Variants in MIOS observed in about 807,000 individuals in gnomAD.
The protein encoded by MIOS is GATOR2 complex protein MIOS.
In MIOS, 52 loss-of-function variants were observed where a neutral mutation model predicts 96.9. The ratio of observed to expected loss-of-function variants is 0.54; its 90% CI spans 0.43 to 0.68. The LOEUF (loss-of-function observed/expected upper bound fraction) is 0.68, where lower values mean the gene tolerates loss of function less well. Among genes scored for constraint, MIOS ranks in the 30% least tolerant of loss-of-function variants. The pLI is 0.00. For synonymous variants in MIOS, 397 were observed against 359.5 expected (o/e 1.10, Z -1.18); for missense variants, 1,005 against 1,052.8 (o/e 0.95, Z 0.63).
chr7:7,600,631 C>T (rs987190308), intron 11 of MIOS, among the ~76,000 whole-genome samples: 1 of 152,106 alleles, frequency 6.6e-6, no homozygotes, highest in East Asian at 1.9e-4. Flanking sequence ...GACTTTAACA[C>T]CCCACTGTCA....
intron 11 of MIOS, among the ~76,000 whole-genome samples, chr7:7,599,562 G>C (rs923293641): frequency 1.3e-5 from 2 of 152,186 alleles, no homozygotes; most frequent in African/African-American, 4.8e-5. Flanking sequence ...AAGCCGTCCA[G>C]GTTGCAGACC....
intron 9 of MIOS, among the ~76,000 whole-genome samples, chr7:7,593,805 G>C (rs562898855): frequency 2.0e-5 from 3 of 150,014 alleles, no homozygotes; most frequent in Admixed American, 6.6e-5. Context: ...CTTGAGCCCG[G>C]GAGGCAGAGG....
intron 5 of MIOS, among the ~76,000 whole-genome samples, chr7:7,578,533 T>C (rs943217579): frequency 3.9e-5 from 6 of 152,008 alleles, no homozygotes; most frequent in Admixed American, 6.6e-5. Context: ...TAAAATCTAA[T>C]CTAGAGAACT....
rs187349421 is a variant in MIOS at position 7,607,596 on chromosome 7, A to C, written c.*504A>C. The C allele has an allele frequency of 4.7e-3, 717 of 153,070 alleles. 3 individuals carry two copies. The highest frequency in any genetic ancestry group is 8.4e-3 in the Non-Finnish European group (579 of 68,670). The allele number at this position is 153,070 out of a possible 1,614,324, so 9.5% of individuals were successfully genotyped here. A position where few individuals can be genotyped will look rare whatever the true frequency, so the allele number is the denominator to read the frequency against. On this transcript the variant is annotated 3_prime_UTR_variant, in exon 13 of 13. Coordinates refer to ENST00000340080, the MANE Select transcript of MIOS (RefSeq NM_019005.4). ...TAGAATTGCAGAGCCCCTATCCCAC[A>C]CTGGAGAATATTTTTTATTACTGTC...
Position 7,607,022 on chromosome 7 carries a change from C to T in MIOS, c.2558C>T (p.Ala853Val), listed in dbSNP as rs776616492. ...FRDHAECPVS[A>V]CTCKCMQLDT... is the part of the protein sequence containing the mutation. ...GACCATGCAGAGTGCCCTGTGTCGGCATGCACGTGTAAATGTATGCAGTTG... is the reference window on the plus strand; with the variant it reads ...GACCATGCAGAGTGCCCTGTGTCGGTATGCACGTGTAAATGTATGCAGTTG... Residue 853 changes from alanine to valine, a missense_variant, in exon 13 of 13, where the codon GCA becomes GTA. By Grantham distance (64) the Ala-to-Val change is moderately conservative. Around this residue, in one of 3 missense-constraint regions of MIOS, gnomAD observed 865 missense variants for 887.9 expected, o/e 0.97. Coordinates refer to ENST00000340080, the MANE Select transcript of MIOS (RefSeq NM_019005.4). 37 of 1,612,728 alleles carry T rather than the reference C, an allele frequency of 2.3e-5. No homozygotes were observed. The highest frequency in any genetic ancestry group is 1.7e-5 in the Admixed American group (1 of 59,740).
intron 9 of MIOS, 149 bp from the exon 10 acceptor site, chr7:7,594,831 T>G: frequency 2.1e-6 from 1 of 465,138 alleles, no homozygotes; most frequent in African/African-American, 2.0e-5. Context: ...TCCATAAATT[T>G]TCTTTATTCT....
At chr7:7,599,933 A>G (rs1259992360) in intron 11 of MIOS, among the ~76,000 whole-genome samples, 1 of 152,166 alleles carries the variant, frequency 6.6e-6, no homozygotes, top group Non-Finnish European at 1.5e-5. Flanking sequence ...AGGAACAGAA[A>G]ACCAAATACC....
chr7:7,596,998 C>T (rs1784221020), intron 11 of MIOS, among the ~76,000 whole-genome samples: 1 of 151,988 alleles, frequency 6.6e-6, no homozygotes, highest in Admixed American at 6.6e-5. Context: ...AGTTTGAGAC[C>T]AGCCTGAGCA....
Position 7,572,752 on chromosome 7 carries a change from G to A in MIOS, c.277G>A (p.Gly93Ser). 6.2e-7 allele frequency: 1 copy of A among 1,614,060 alleles called. No individual in the cohort carries two copies. Among genetic ancestry groups the A allele is most frequent in the Non-Finnish European group, 8.5e-7 (1 of 1,179,988 alleles). ...TGGTCGAGTTGTACTTACAAGCCTT[G>A]GTCAAGATCATAACTCAAAGTTCAA... is the stretch of plus-strand genomic sequence containing the variant. ...ANGRVVLTSL[G>S]QDHNSKFKDL... is the part of the protein sequence containing the mutation. The change falls in exon 4 of 13, where the codon GGT (glycine) becomes AGT (serine). Residue 93 changes from glycine to serine, a missense_variant. By Grantham distance (56) the Gly-to-Ser change is moderately conservative. This residue lies in a region of MIOS where 137 missense variants were observed against 148.6 expected (regional missense o/e 0.92). Coordinates refer to ENST00000340080, the MANE Select transcript of MIOS (RefSeq NM_019005.4). This position sits in a 1 kb window ranked among gnomAD's most constrained non-coding sequence, Gnocchi z 4.8.
chr7:7,603,081 A>G (rs1458549455), intron 11 of MIOS, among the ~76,000 whole-genome samples: 1 of 152,210 alleles, frequency 6.6e-6, no homozygotes, highest in Non-Finnish European at 1.5e-5. Flanking sequence ...AAGATGGATT[A>G]AAGACTTAAA....
At chr7:7,605,767 G>A in intron 11 of MIOS, 175 bp from the exon 12 acceptor site, 1 of 510,502 alleles carries the variant, frequency 2.0e-6, no homozygotes, top group Non-Finnish European at 3.3e-6. Context: ...AAAAATGTAG[G>A]GGAGCTTCTG....
chr7:7,607,212 C>G lies in MIOS; in HGVS notation c.*120C>G. On this transcript the variant is annotated 3_prime_UTR_variant, in exon 13 of 13. Coordinates refer to ENST00000340080, the MANE Select transcript of MIOS (RefSeq NM_019005.4). ...ACTTACCTGTAATGGGAAAATAAAT[C>G]ATTCTATCAGATCAGCAGTTTTGAT... 2 of 672,012 alleles carry G rather than the reference C, an allele frequency of 3.0e-6. No homozygotes were observed. Among genetic ancestry groups the G allele is most frequent in the Non-Finnish European group, 4.9e-6 (2 of 407,866 alleles). The allele number at this position is 672,012 out of a possible 1,614,324, so 41.6% of individuals were successfully genotyped here.
rs1784199966 is a variant in MIOS, at chr7:7,596,241, T to C, written c.2197-16T>C. On this transcript the variant is annotated splice_polypyrimidine_tract_variant and intron_variant, in intron 10 of 12. Transcript: ENST00000340080. ...GGTTTGCATTACATTTATTTTTTCT[T>C]TCATTTGTTTTGTAGGTTTTTGTGA... is the stretch of plus-strand genomic sequence containing the variant. 1 of 1,609,190 alleles carries C rather than the reference T, an allele frequency of 6.2e-7. No individual in the cohort carries two copies. The highest frequency in any genetic ancestry group is 1.7e-5 in the Admixed American group (1 of 59,732).
intron 9 of MIOS, among the ~76,000 whole-genome samples, chr7:7,591,970 C>G (rs945475642): frequency 1.5e-5 from 2 of 130,492 alleles, no homozygotes; most frequent in Admixed American, 1.8e-4. Flanking sequence ...TCCCACTATT[C>G]TTCAAATTGG....
chr7:7,607,018 T>A lies in MIOS; in HGVS notation c.2554T>A (p.Ser852Thr). The A allele has an allele frequency of 6.2e-7, 1 of 1,612,924 alleles. No homozygotes were observed. The highest frequency in any genetic ancestry group is 1.7e-4 in the Middle Eastern group (1 of 6,056). Residue 852 changes from serine (S) to threonine (T), a missense_variant, in exon 13 of 13, where the codon TCG (serine) becomes ACG (threonine). By Grantham distance (58) the Ser-to-Thr change is moderately conservative. Transcript: ENST00000340080. ...WFRDHAECPV[S>T]ACTCKCMQLD... Reference sequence around the variant, plus strand: ...TAGGGACCATGCAGAGTGCCCTGTGTCGGCATGCACGTGTAAATGTATGCA... The same window carrying A: ...TAGGGACCATGCAGAGTGCCCTGTGACGGCATGCACGTGTAAATGTATGCA...
chr7:7,580,878 G>A (rs1447301594), intron 5 of MIOS, among the ~76,000 whole-genome samples: 4 of 149,752 alleles, frequency 2.7e-5, no homozygotes, highest in South Asian at 4.3e-4. Flanking sequence ...GTAGAGACCG[G>A]GTTTTGCCAT....
intron 5 of MIOS, 123 bp from the exon 6 acceptor site, chr7:7,582,995 A>T (rs1042080284): frequency 9.0e-7 from 1 of 1,105,648 alleles, no homozygotes; most frequent in Non-Finnish European, 1.3e-6. Context: ...TATTTACACT[A>T]TCATAAAATT....
chr7:7,573,096 C>A lies in MIOS; in HGVS notation c.621C>A (p.Asn207Lys). The change falls in exon 4 of 13, where the codon AAC becomes AAA. Residue 207 changes from asparagine to lysine, a missense_variant. By Grantham distance (94) the Asn-to-Lys change is moderately conservative. This residue lies in a region of MIOS where 865 missense variants were observed against 887.9 expected (regional missense o/e 0.97). Transcript: ENST00000340080. The surrounding 1 kb of genome is among the most constrained non-coding windows in gnomAD (Gnocchi z 5.0). ...TTCTCCTTGCTGGTATGCATCGTAA[C>A]CTAGCTATATTTGATCTTCGGAATA... ...QKLLLAGMHR[N>K]LAIFDLRNTS... 1 of 1,614,036 alleles carries A rather than the reference C, an allele frequency of 6.2e-7. No homozygotes were observed. Among genetic ancestry groups the A allele is most frequent in the Non-Finnish European group, 8.5e-7 (1 of 1,179,974 alleles).
intron 8 of MIOS, among the ~76,000 whole-genome samples, chr7:7,588,840 AAAG>A (rs1400095393): frequency 6.6e-6 from 1 of 152,166 alleles, no homozygotes; most frequent in Admixed American, 6.5e-5. Flanking sequence ...TGATGCTATG[AAAG>A]GGTTCCTCAT....
Sources: allele counts gnomAD v4.1 joint callset (sites outside exome capture counted in the v4.1 genomes callset), GRCh38; gene constraint gnomAD v4.1.1; regional missense constraint gnomAD v4.1.1; non-coding constraint Gnocchi (gnomAD v3.1); transcripts MANE v1.5; gene names NCBI Gene and HGNC (gene_info 2026-07-23, HGNC 2026-07-21).